Variants in CYP2R1 observed in about 807,000 individuals in gnomAD.
The protein encoded by CYP2R1 is vitamin D 25-hydroxylase.
CYP2R1 carries 40 observed loss-of-function variants against 45.7 expected under a neutral mutation model. The ratio of observed to expected loss-of-function variants is 0.87; its 90% CI spans 0.68 to 1.14. The LOEUF (loss-of-function observed/expected upper bound fraction) is 1.14. Ranked by LOEUF, CYP2R1 falls within the 50% of genes most tolerant of loss-of-function variation. CYP2R1 has a pLI of 0.00. For synonymous variants in CYP2R1, 234 were observed against 219.3 expected (o/e 1.07, Z -0.59); for missense variants, 605 against 602.6 (o/e 1.00, Z -0.04).
intron 4 of CYP2R1, 28 bp from the exon 5 acceptor site, chr11:14,878,325 T>C: frequency 6.2e-7 from 1 of 1,608,032 alleles, no homozygotes; most frequent in Non-Finnish European, 8.5e-7. Flanking sequence ...ATACAATAAT[T>C]TTTTAAACCC....
intron 4 of CYP2R1, 139 bp from the exon 5 acceptor site, chr11:14,878,436 T>A: frequency 1.2e-6 from 1 of 867,884 alleles, no homozygotes; most frequent in Non-Finnish European, 1.7e-6. Context: ...AGGATTTTCT[T>A]AAATCTCAAA....
At chr11:14,886,132 C>T in intron 1 of CYP2R1, 2 of 566,288 alleles carry the variant, frequency 3.5e-6, no homozygotes, top group South Asian at 1.9e-5. Flanking sequence ...TGCCTAAAGT[C>T]ACAGTCTTAC....
At position 14,885,747 on chromosome 11, in the gene CYP2R1, A is replaced by T. The variant is rs371686308; in HGVS notation, c.367+29T>A. The T allele has an allele frequency of 9.3e-6, 15 of 1,607,196 alleles. No individual in the cohort carries two copies. The Admixed American group carries it at 1.0e-4, about 11-fold the overall frequency. ...GAATGTGATTTAAAATATCTTAGTAAATCACTAAATAGGTGCAAATAAACA... is the reference window on the plus strand; with the variant it reads ...GAATGTGATTTAAAATATCTTAGTATATCACTAAATAGGTGCAAATAAACA... On this transcript the variant is annotated intron_variant, in intron 2 of 4. Coordinates refer to ENST00000334636, the MANE Select transcript of CYP2R1 (RefSeq NM_024514.5).
rs1848346142 is a variant in CYP2R1 at position 14,880,672 on chromosome 11, T to A, written c.464A>T (p.Glu155Val). The A allele has an allele frequency of 1.3e-6, 2 of 1,597,708 alleles. No individual in the cohort carries two copies. The highest frequency in any genetic ancestry group is 3.6e-5 in the Admixed American group (2 of 56,316). Residue 155 changes from glutamate (E) to valine (V), a missense_variant, in exon 3 of 5, where the codon GAA becomes GTA. Physicochemically the swap from Glu to Val is moderately radical, Grantham distance 121 (BLOSUM62 -2). Coordinates refer to ENST00000334636, the MANE Select transcript of CYP2R1 (RefSeq NM_024514.5). ...TTTGGTTTCTTCCAAGATTTTAGAT[T>A]CAAAAGACTTTTGGCCATATCCAAA... ...RYFGYGQKSFESKILEETKFF... is the reference protein window; with the variant it reads ...RYFGYGQKSFVSKILEETKFF...
intron 1 of CYP2R1, chr11:14,890,874 GT>G: frequency 1.7e-5 from 17 of 985,336 alleles, no homozygotes; most frequent in Non-Finnish European, 2.0e-5. Flanking sequence ...GTAAAAATTG[GT>G]TTAAGTAAGG....
chr11:14,880,076 A>G, intron 3 of CYP2R1, 60 bp downstream of exon 3: 2 of 1,573,494 alleles, frequency 1.3e-6, no homozygotes, highest in South Asian at 1.1e-5. Context: ...CCAAGACTCA[A>G]AAACATGTAT....
At chr11:14,880,043 T>C (rs1177240935) in intron 3 of CYP2R1, 93 bp downstream of exon 3, 1 of 1,339,590 alleles carries the variant, frequency 7.5e-7, no homozygotes, top group Non-Finnish European at 1.0e-6. Flanking sequence ...CAGGAGTTCC[T>C]AAAGAAAATG....
chr11:14,879,200 C>T lies in CYP2R1; in HGVS notation c.1244G>A (p.Arg415Lys). The change falls in exon 4 of 5, where the codon AGA (arginine) becomes AAA (lysine). Residue 415 changes from arginine to lysine, a missense_variant. Physicochemically the swap from Arg to Lys is conservative, Grantham distance 26. Transcript: ENST00000334636. ...CTCAGGATGGAACACTTCTGGGTCT[C>T]TCCAGTACTTTTCATCAAAGTGTAC... Reference protein sequence around the residue: ...YSVHFDEKYWRDPEVFHPERF... With the variant: ...YSVHFDEKYWKDPEVFHPERF... The T allele has an allele frequency of 6.2e-7, 1 of 1,613,284 alleles. No homozygotes were observed. The highest frequency in any genetic ancestry group is 8.5e-7 in the Non-Finnish European group (1 of 1,179,526).
intron 1 of CYP2R1, chr11:14,890,607 C>A (rs1189946726): frequency 5.1e-6 from 1 of 196,554 alleles, no homozygotes; most frequent in East Asian, 2.6e-4. Flanking sequence ...AGTGCAGTGG[C>A]GCGATCTCGG....
chr11:14,891,630 G>C (rs1476687329), intron 1 of CYP2R1: 1 of 1,095,550 alleles, frequency 9.1e-7, no homozygotes. Context: ...GCCCGCACCT[G>C]AGGGCATGCG....
chr11:14,880,329 C>T lies in CYP2R1; in HGVS notation c.807G>A (p.Lys269=). Residue 269 remains lysine (K), a synonymous_variant, in exon 3 of 5, where the codon AAG becomes AAA. Coordinates refer to ENST00000334636, the MANE Select transcript of CYP2R1 (RefSeq NM_024514.5). The part of the protein sequence containing the change: ...RLIEKASVNR[K]PQLPQHFVDA... The stretch of plus-strand genomic sequence containing the variant: ...CAACAAAATGCTGAGGTAGCTGAGG[C>T]TTTCTGTTGACTGAAGCTTTTTCAA... 6.2e-7 allele frequency: 1 copy of T among 1,613,228 alleles called. No homozygotes were observed. Among genetic ancestry groups the T allele is most frequent in the Non-Finnish European group, 8.5e-7 (1 of 1,179,548 alleles).
intron 3 of CYP2R1, 57 bp downstream of exon 3, chr11:14,880,079 A>G (rs1482670507): frequency 8.8e-6 from 14 of 1,585,968 alleles, no homozygotes; most frequent in African/African-American, 1.4e-5. Context: ...AGACTCAAAA[A>G]CATGTATGAA....
At chr11:14,879,067 A>G in intron 4 of CYP2R1, 47 bp downstream of exon 4, 1 of 1,419,424 alleles carries the variant, frequency 7.0e-7, no homozygotes, top group Non-Finnish European at 1.0e-6. Context: ...CTAATGAATT[A>G]TCATTATCCT....
intron 1 of CYP2R1, chr11:14,890,830 G>A (rs992137167): frequency 6.1e-6 from 6 of 982,168 alleles, no homozygotes; most frequent in East Asian, 1.1e-4. Flanking sequence ...TTATAGGCGT[G>A]AGCCACCGCG....
At position 14,878,120 on chromosome 11, in the gene CYP2R1, T is replaced by C; in HGVS notation, c.*2A>G. On this transcript the variant is annotated 3_prime_UTR_variant, in exon 5 of 5. Coordinates refer to ENST00000334636, the MANE Select transcript of CYP2R1 (RefSeq NM_024514.5). The stretch of plus-strand genomic sequence containing the variant: ...TTGTTCCCGAAAACATCCCAGGCAG[T>C]TTCAGCGTCTTTCAGCACAGATGAG... The C allele has an allele frequency of 6.2e-7, 1 of 1,612,866 alleles. No individual in the cohort carries two copies. The highest frequency in any genetic ancestry group is 8.5e-7 in the Non-Finnish European group (1 of 1,179,276).
At chr11:14,885,702 G>A (rs1848588868) in intron 2 of CYP2R1, 74 bp downstream of exon 2, 1 of 1,443,526 alleles carries the variant, frequency 6.9e-7, no homozygotes, top group Non-Finnish European at 9.7e-7. Flanking sequence ...CCAACTGTAT[G>A]CACTAAAACT....
chr11:14,891,102 G>C, intron 1 of CYP2R1: 1 of 985,456 alleles, frequency 1.0e-6, no homozygotes, highest in Non-Finnish European at 1.2e-6. Flanking sequence ...GGTGAGCTCT[G>C]TCCCAGGACC....
chr11:14,886,173 G>C (rs142620703), intron 1 of CYP2R1: 1 of 476,136 alleles, frequency 2.1e-6, no homozygotes, highest in African/African-American at 1.9e-5. Context: ...TACTGGACTC[G>C]GGAGGCCTGG....
At chr11:14,889,908 C>G (rs551432401) in intron 1 of CYP2R1, among the ~76,000 whole-genome samples, 8 of 152,218 alleles carry the variant, frequency 5.3e-5, no homozygotes, top group African/African-American at 1.7e-4. Context: ...GCGGGCAGAT[C>G]ACGAGGTCAG....
Sources: gnomAD v4.1 joint callset for allele counts (sites outside exome capture counted in the v4.1 genomes callset) on GRCh38, gnomAD v4.1.1 for gene constraint, MANE v1.5 for transcripts, NCBI Gene and HGNC (gene_info 2026-07-23, HGNC 2026-07-21) for gene names.